Variants in TMEM117 observed in about 807,000 individuals in gnomAD.
TMEM117 encodes the protein transmembrane protein 117.
A neutral mutation model predicts 52.4 loss-of-function variants in TMEM117; 27 were observed. That is an observed-to-expected ratio of 0.51 (90% confidence interval 0.38 to 0.71). The LOEUF is 0.71. Ranked by LOEUF, TMEM117 falls within the 30% of genes least tolerant of loss-of-function variation. The pLI, the probability that TMEM117 is intolerant of heterozygous loss-of-function variation, is 0.00. For synonymous variants in TMEM117, 215 were observed against 206.3 expected, an observed-to-expected ratio of 1.04 and a Z score of -0.36; for missense variants, 556 against 630.5, an observed-to-expected ratio of 0.88 and a Z score of 1.26.
intron 6 of TMEM117, among the ~76,000 whole-genome samples, chr12:44,350,516 C>T (rs1951547691): frequency 6.6e-6 from 1 of 151,770 alleles, no homozygotes; most frequent in South Asian, 2.1e-4. Flanking sequence ...TTGTTGTATC[C>T]ATTATCCTTC....
intron 2 of TMEM117, among the ~76,000 whole-genome samples, chr12:43,924,785 A>G (rs1050248047): frequency 9.2e-5 from 14 of 152,194 alleles, no homozygotes; most frequent in Non-Finnish European, 1.9e-4. Flanking sequence ...TGTGTAACAA[A>G]CACATCCAAA....
chr12:44,320,063 C>T (rs1951111013), intron 6 of TMEM117, among the ~76,000 whole-genome samples: 1 of 152,196 alleles, frequency 6.6e-6, no homozygotes. Context: ...GGATATCTAA[C>T]TGGCAACCAG....
intron 3 of TMEM117, among the ~76,000 whole-genome samples, chr12:44,120,529 A>G (rs1948216396): frequency 6.6e-6 from 1 of 152,176 alleles, no homozygotes; most frequent in Non-Finnish European, 1.5e-5. Context: ...CTAGCCATGT[A>G]TGTAACCAGA....
chr12:43,944,125 A>T, intron 2 of TMEM117, 85 bp from the exon 3 acceptor site: 1 of 1,217,560 alleles, frequency 8.2e-7, no homozygotes, highest in Non-Finnish European at 1.1e-6. Flanking sequence ...ATAGTGAGAC[A>T]TTAAAAGATT....
intron 6 of TMEM117, among the ~76,000 whole-genome samples, chr12:44,311,901 A>G (rs974971406): frequency 7.6e-6 from 1 of 132,052 alleles, no homozygotes; most frequent in African/African-American, 3.4e-5. Context: ...ATATGTGTAT[A>G]TATATATGTG....
chr12:43,900,485 C>A (rs572677526), intron 2 of TMEM117, among the ~76,000 whole-genome samples: 1 of 151,888 alleles, frequency 6.6e-6, no homozygotes, highest in East Asian at 1.9e-4. Flanking sequence ...TTTGGGAGGC[C>A]GAGGCGGGTG....
intron 3 of TMEM117, among the ~76,000 whole-genome samples, chr12:44,131,242 A>G (rs1042172692): frequency 6.6e-6 from 1 of 152,040 alleles, no homozygotes; most frequent in African/African-American, 2.4e-5. Flanking sequence ...TGAGGTTTCT[A>G]TTTTGACTCC....
At chr12:44,146,065 G>A (rs1469151859) in intron 4 of TMEM117, among the ~76,000 whole-genome samples, 1 of 151,928 alleles carries the variant, frequency 6.6e-6, no homozygotes, top group Non-Finnish European at 1.5e-5. Flanking sequence ...TTTAACCATA[G>A]GGAGGGGTCC....
chr12:44,367,391 G>A (rs1951803366), intron 6 of TMEM117, among the ~76,000 whole-genome samples: 1 of 152,088 alleles, frequency 6.6e-6, no homozygotes, highest in African/African-American at 2.4e-5. Context: ...AGGGGCATTA[G>A]ACACAAGTTG....
chr12:43,845,460 CAAAAAAA>C (rs10677136), intron 2 of TMEM117, among the ~76,000 whole-genome samples: 3 of 37,996 alleles, frequency 7.9e-5, no homozygotes, highest in Non-Finnish European at 5.2e-5. Flanking sequence ...GACTCCATCT[CAAAAAAA>C]AAAAAAAAAA....
chr12:44,166,749 ATCT>A (rs1301632408), intron 4 of TMEM117, among the ~76,000 whole-genome samples: 3 of 152,188 alleles, frequency 2.0e-5, no homozygotes, highest in Non-Finnish European at 4.4e-5. Flanking sequence ...ATCCTGCAAA[ATCT>A]TCTTCCTCTG....
chr12:44,155,736 T>A lies in TMEM117; in HGVS notation c.510+12112T>A, dbSNP rs538247382. 1.1e-4 allele frequency among the ~76,000 whole-genome samples: 17 copies of A among 152,146 alleles called. 1 individual carries two copies. In the South Asian group the frequency reaches 3.3e-3, roughly 30 times the overall value. On this transcript the variant is annotated intron_variant, in intron 4 of 7. Coordinates refer to ENST00000266534, the MANE Select transcript of TMEM117 (RefSeq NM_032256.3). ...CTTGTAAAGAAGCATTAAAATTCAG[T>A]TTACAACAAAAATATCACTAATGCA...
chr12:43,932,432 G>A (rs1253473123), intron 2 of TMEM117, among the ~76,000 whole-genome samples: 1 of 143,562 alleles, frequency 7.0e-6, no homozygotes, highest in Admixed American at 7.1e-5. Flanking sequence ...CCTGCATCCT[G>A]TTCTTTTGAT....
intron 5 of TMEM117, among the ~76,000 whole-genome samples, chr12:44,230,331 A>G (rs1949916338): frequency 1.3e-5 from 2 of 151,830 alleles, no homozygotes; most frequent in Non-Finnish European, 2.9e-5. Context: ...TTTTCCTCTC[A>G]ATTCTGCTTT....
intron 2 of TMEM117, among the ~76,000 whole-genome samples, chr12:43,912,533 AT>A (rs1414391316): frequency 6.8e-6 from 1 of 147,114 alleles, no homozygotes; most frequent in African/African-American, 2.6e-5. Context: ...ATATATATAT[AT>A]ATGGCAGAAT....
chr12:43,846,559 C>G (rs1386869709), intron 2 of TMEM117, among the ~76,000 whole-genome samples: 1 of 152,110 alleles, frequency 6.6e-6, no homozygotes, highest in East Asian at 1.9e-4. Context: ...TTATTACATG[C>G]CAGACACAAT....
intron 2 of TMEM117, among the ~76,000 whole-genome samples, chr12:43,904,362 A>G (rs1405777724): frequency 6.6e-6 from 1 of 152,192 alleles, no homozygotes; most frequent in Non-Finnish European, 1.5e-5. Flanking sequence ...GGACAGAGCA[A>G]GATCCTGTCT....
the TMEM117 span, chr12:43,795,892 TTTC>T: frequency 2.6e-6 from 2 of 765,702 alleles, no homozygotes; most frequent in South Asian, 2.2e-5. Flanking sequence ...ACAGTTTCAC[TTTC>T]TTCTTTTGGG....
intron 6 of TMEM117, among the ~76,000 whole-genome samples, chr12:44,318,801 G>T (rs1190495350): frequency 6.6e-6 from 1 of 152,078 alleles, no homozygotes; most frequent in Non-Finnish European, 1.5e-5. Flanking sequence ...CACAATCTAG[G>T]CACAGAGAGG....
Sources: gnomAD v4.1 joint callset for allele counts (sites outside exome capture counted in the v4.1 genomes callset) on GRCh38, gnomAD v4.1.1 for gene constraint, MANE v1.5 for transcripts, NCBI Gene and HGNC (gene_info 2026-07-23, HGNC 2026-07-21) for gene names.